Variants in ALG5 observed in about 807,000 individuals in gnomAD.
ALG5 encodes the protein dolichyl-phosphate beta-glucosyltransferase.
In ALG5, 26 loss-of-function variants were observed where a neutral mutation model predicts 51.8. The observed-to-expected ratio is 0.50, with a 90% confidence interval of 0.37 to 0.70. The LOEUF is 0.70. Among genes scored for constraint, ALG5 ranks in the 30% least tolerant of loss-of-function variants. ALG5 has a pLI of 0.00. For synonymous variants in ALG5, 141 were observed against 136.1 expected (o/e 1.04, Z -0.25); for missense variants, 311 against 399.3 (o/e 0.78, Z 1.88).
chr13:36,980,497 G>A (rs979867481), intron 6 of ALG5, among the ~76,000 whole-genome samples: 2 of 152,040 alleles, frequency 1.3e-5, no homozygotes, highest in African/African-American at 4.8e-5. Context: ...AAAGCGCTGG[G>A]ATTACAGATG....
intron 6 of ALG5, among the ~76,000 whole-genome samples, chr13:36,979,273 T>C (rs1394849821): frequency 1.3e-5 from 2 of 152,138 alleles, no homozygotes; most frequent in Admixed American, 1.3e-4. Context: ...GTGCTGGTAT[T>C]ACAGGGATGA....
rs941049493 is a variant in ALG5, at chr13:36,971,962, T to C, written c.621+15A>G. 4.4e-6 allele frequency: 7 copies of C among 1,594,998 alleles called. No individual in the cohort carries two copies. The highest frequency in any genetic ancestry group is 2.7e-5 in the African/African-American group (2 of 74,476). On this transcript the variant is annotated intron_variant, in intron 7 of 9. Transcript: ENST00000239891. Reference sequence around the variant, plus strand: ...CAATTAATTGGCTGTCCCATGCCAATTAATGAAGTCTCACCTGAGCAATTG... The same window carrying C: ...CAATTAATTGGCTGTCCCATGCCAACTAATGAAGTCTCACCTGAGCAATTG...
intron 3 of ALG5, 35 bp from the exon 4 acceptor site, chr13:36,993,707 C>T (rs749302042): frequency 6.5e-7 from 1 of 1,541,026 alleles, no homozygotes; most frequent in Admixed American, 1.7e-5. Context: ...TACAATTTGG[C>T]ATAACTGCCA....
chr13:36,960,058 C>A (rs1420657883), intron 8 of ALG5, among the ~76,000 whole-genome samples: 1 of 151,922 alleles, frequency 6.6e-6, no homozygotes, highest in Non-Finnish European at 1.5e-5. Context: ...AAACAAAAAC[C>A]CCAAACATTT....
intron 8 of ALG5, among the ~76,000 whole-genome samples, chr13:36,956,932 G>C (rs1367838079): frequency 1.3e-5 from 2 of 152,024 alleles, no homozygotes; most frequent in African/African-American, 4.8e-5. Flanking sequence ...ATCTCCTCCA[G>C]GAAACGAAGC....
At position 36,955,686 on chromosome 13, in the gene ALG5, G is replaced by GAA. The variant is rs35130767; in HGVS notation, c.774-3089_774-3088dup. On this transcript the variant is annotated intron_variant, in intron 8 of 9. Transcript: ENST00000239891. ...AGCAGAGAAAATGAACAGAGATTGT[G>GAA]AAAAAAAAAAAAAAAAAAAAAAAAA... Among the ~76,000 whole-genome samples, 56 of 36,486 alleles carry GAA rather than the reference G, an allele frequency of 1.5e-3. 1 individual carries two copies. Among genetic ancestry groups the GAA allele is most frequent in the South Asian group, 3.6e-3 (3 of 822 alleles). The allele number at this position is 36,486 out of a possible 152,430, so 23.9% of individuals were successfully genotyped here.
chr13:36,978,247 G>A (rs1389871344), intron 6 of ALG5, among the ~76,000 whole-genome samples: 1 of 150,268 alleles, frequency 6.7e-6, no homozygotes, highest in Non-Finnish European at 1.5e-5. Flanking sequence ...GAGTGCAGTG[G>A]CACAATCTCA....
chr13:36,972,987 G>A (rs372820987), intron 6 of ALG5, among the ~76,000 whole-genome samples: 212 of 52,110 alleles, frequency 4.1e-3, no homozygotes, highest in Middle Eastern at 0.036. Flanking sequence ...GCAAGACTCC[G>A]TCTCAAAAAA....
chr13:36,983,033 C>G (rs1472530480), intron 6 of ALG5, among the ~76,000 whole-genome samples: 1 of 152,108 alleles, frequency 6.6e-6, no homozygotes, highest in Non-Finnish European at 1.5e-5. Flanking sequence ...CATCAGAACT[C>G]CTTTTCTTTA....
At chr13:36,989,090 A>C (rs1214105080) in intron 5 of ALG5, among the ~76,000 whole-genome samples, 1 of 152,164 alleles carries the variant, frequency 6.6e-6, no homozygotes, top group Non-Finnish European at 1.5e-5. Flanking sequence ...TGCACATTTC[A>C]TCAGGACAGA....
intron 8 of ALG5, among the ~76,000 whole-genome samples, chr13:36,956,384 G>A (rs932535721): frequency 1.3e-5 from 2 of 152,210 alleles, no homozygotes; most frequent in African/African-American, 2.4e-5. Context: ...TGGTGAGAAT[G>A]TAAATTAGTA....
intron 7 of ALG5, chr13:36,967,894 G>A (rs17054770): frequency 0.031 from 26,701 of 872,202 alleles, 1,209 homozygotes; most frequent in African/African-American, 0.19. Flanking sequence ...TTCTCCTTGA[G>A]TGATTTTTAA....
chr13:36,957,903 T>C (rs1233249231), intron 8 of ALG5, among the ~76,000 whole-genome samples: 1 of 152,100 alleles, frequency 6.6e-6, no homozygotes, highest in Non-Finnish European at 1.5e-5. Context: ...CATCCCTAGA[T>C]ACATCCTGGG....
chr13:36,978,487 C>G (rs2058964569), intron 6 of ALG5, among the ~76,000 whole-genome samples: 1 of 151,938 alleles, frequency 6.6e-6, no homozygotes, highest in African/African-American at 2.4e-5. Flanking sequence ...GTGCCCGGTC[C>G]TCAGTACTTT....
Position 36,965,701 on chromosome 13 carries a change from A to G in ALG5, c.647T>C (p.Met216Thr), listed in dbSNP as rs750591460. 1.2e-6 allele frequency: 2 copies of G among 1,613,972 alleles called. No homozygotes were observed. Among genetic ancestry groups the G allele is most frequent in the Admixed American group, 3.3e-5 (2 of 59,980 alleles). ...CCACACCAGAAAGTGGAACCCATAC[A>G]TGAGAAGAGTACGGAAGTAAGAACG... ...AQRSYFRTLLMYGFHFLVWFL... is the reference protein window; with the variant it reads ...AQRSYFRTLLTYGFHFLVWFL... The change falls in exon 8 of 10, where the codon ATG becomes ACG. Residue 216 changes from methionine to threonine, a missense_variant. Physicochemically the swap from Met to Thr is moderately conservative, Grantham distance 81. Coordinates refer to ENST00000239891, the MANE Select transcript of ALG5 (RefSeq NM_013338.5).
intron 8 of ALG5, among the ~76,000 whole-genome samples, chr13:36,953,785 T>A (rs535125838): frequency 1.1e-4 from 17 of 152,242 alleles, no homozygotes; most frequent in Non-Finnish European, 1.6e-4. Flanking sequence ...CTTACAAAAG[T>A]GGGTTGTATT....
At chr13:36,961,107 TA>T (rs1475428418) in intron 8 of ALG5, among the ~76,000 whole-genome samples, 4 of 151,710 alleles carry the variant, frequency 2.6e-5, no homozygotes, top group African/African-American at 2.4e-5. Context: ...AAAACCACAA[TA>T]AAAAATAATA....
chr13:36,959,410 T>C (rs7325527), intron 8 of ALG5, among the ~76,000 whole-genome samples: 137,639 of 151,950 alleles, frequency 0.91, 62,509 homozygotes, highest in East Asian at 1. Flanking sequence ...TTAATTATGC[T>C]ACATTGTATT....
intron 7 of ALG5, among the ~76,000 whole-genome samples, chr13:36,970,181 T>C (rs1013469184): frequency 3.3e-5 from 5 of 152,088 alleles, no homozygotes; most frequent in Non-Finnish European, 7.4e-5. Flanking sequence ...GGATTAATTC[T>C]AAGCTCTCTT....
Sources: allele counts gnomAD v4.1 joint callset (sites outside exome capture counted in the v4.1 genomes callset), GRCh38; gene constraint gnomAD v4.1.1; transcripts MANE v1.5; gene names NCBI Gene and HGNC (gene_info 2026-07-23, HGNC 2026-07-21).